Variants in SYNPR observed in about 807,000 individuals in gnomAD.
SYNPR encodes synaptoporin.
SYNPR carries 23 observed loss-of-function variants against 32.9 expected under a neutral mutation model. The ratio of observed to expected loss-of-function variants is 0.70; its 90% confidence interval spans 0.50 to 0.99. SYNPR has a LOEUF of 0.99. Ranked by LOEUF, SYNPR falls within the 50% of genes least tolerant of loss-of-function variation. The pLI is 0.00. For missense variants in SYNPR, 318 were observed against 349.3 expected, an observed-to-expected ratio of 0.91 and a Z score of 0.71; for synonymous variants, 146 against 135.9, an observed-to-expected ratio of 1.07 and a Z score of -0.52.
chr3:63,506,507 G>A (rs891687617), intron 3 of SYNPR, among the ~76,000 whole-genome samples: 1 of 152,110 alleles, frequency 6.6e-6, no homozygotes, highest in Non-Finnish European at 1.5e-5. Context: ...TTCAAAGAAA[G>A]GATTTAAATG....
At chr3:63,442,210 AAG>A (rs201125989) in intron 2 of SYNPR, among the ~76,000 whole-genome samples, 32,272 of 142,106 alleles carry the variant, frequency 0.23, 3,705 homozygotes, top group South Asian at 0.41. Flanking sequence ...AGAGAGAGAG[AAG>A]GAGACAGAGA....
At chr3:63,492,248 A>C (rs543470151) in intron 3 of SYNPR, among the ~76,000 whole-genome samples, 5 of 152,180 alleles carry the variant, frequency 3.3e-5, no homozygotes, top group Non-Finnish European at 7.3e-5. Flanking sequence ...CAGGAGGAGT[A>C]GGGCATGGGA....
chr3:63,280,219 T>A (rs2086615497), intron 2 of SYNPR, among the ~76,000 whole-genome samples: 1 of 152,222 alleles, frequency 6.6e-6, no homozygotes, highest in African/African-American at 2.4e-5. Context: ...TGTGGCAACA[T>A]GATTTTGTGC....
chr3:63,239,370 CATT>C (rs1254942949), intron 1 of SYNPR, among the ~76,000 whole-genome samples: 1 of 151,366 alleles, frequency 6.6e-6, no homozygotes, highest in Non-Finnish European at 1.5e-5. Flanking sequence ...CCCATCCTAT[CATT>C]GTCAAGTGTG....
chr3:63,258,451 C>A (rs990860349), intron 2 of SYNPR, among the ~76,000 whole-genome samples: 1 of 152,162 alleles, frequency 6.6e-6, no homozygotes, highest in Non-Finnish European at 1.5e-5. Flanking sequence ...GGAAACTGAA[C>A]AACCTACTCC....
chr3:63,549,245 A>T (rs1054513737), intron 3 of SYNPR, among the ~76,000 whole-genome samples: 1 of 152,248 alleles, frequency 6.6e-6, no homozygotes. Context: ...AGGTGGTAGC[A>T]GAATGAACAT....
intron 2 of SYNPR, among the ~76,000 whole-genome samples, chr3:63,257,746 A>T (rs2086398686): frequency 6.6e-6 from 1 of 152,226 alleles, no homozygotes; most frequent in Admixed American, 6.5e-5. Flanking sequence ...AATGGGCTAA[A>T]TGCTCCAATT....
chr3:63,547,602 C>T (rs921203311), intron 3 of SYNPR, among the ~76,000 whole-genome samples: 8 of 152,118 alleles, frequency 5.3e-5, no homozygotes, highest in African/African-American at 1.9e-4. Context: ...CCCATATATT[C>T]ATCCTATGAG....
At chr3:63,222,458 T>C in the SYNPR span, among the ~76,000 whole-genome samples, 1 of 152,106 alleles carries the variant, frequency 6.6e-6, no homozygotes. Flanking sequence ...GTATATGGGG[T>C]GGCTTAAGAG....
At chr3:63,528,406 T>C (rs1233329413) in intron 3 of SYNPR, among the ~76,000 whole-genome samples, 7 of 152,172 alleles carry the variant, frequency 4.6e-5, no homozygotes, top group African/African-American at 1.4e-4. Context: ...TGTTTTTCCA[T>C]GAAACCCTTT....
At chr3:63,278,884 C>A in intron 2 of SYNPR, 142 bp downstream of exon 2, 4 of 996,768 alleles carry the variant, frequency 4.0e-6, no homozygotes, top group Non-Finnish European at 5.9e-6. Context: ...CCTGCCCCCT[C>A]CTAAGATGCC....
intron 2 of SYNPR, among the ~76,000 whole-genome samples, chr3:63,343,488 T>C (rs930803991): frequency 2.0e-5 from 3 of 152,150 alleles, no homozygotes; most frequent in African/African-American, 7.2e-5. Flanking sequence ...GAGGACATTG[T>C]TTGGAGGTCC....
chr3:63,497,928 C>A (rs1006596485), intron 3 of SYNPR, among the ~76,000 whole-genome samples: 1 of 152,040 alleles, frequency 6.6e-6, no homozygotes, highest in Non-Finnish European at 1.5e-5. Flanking sequence ...TGCTGCTAGC[C>A]AGATAAACAG....
intron 3 of SYNPR, among the ~76,000 whole-genome samples, chr3:63,491,639 G>C (rs1054637768): frequency 1.6e-4 from 24 of 152,208 alleles, no homozygotes; most frequent in African/African-American, 5.5e-4. Context: ...TCGTGCCTCA[G>C]CCTCCCGAGT....
intron 2 of SYNPR, among the ~76,000 whole-genome samples, chr3:63,379,655 ACT>A (rs1472018319): frequency 6.6e-6 from 1 of 151,712 alleles, no homozygotes; most frequent in Non-Finnish European, 1.5e-5. Flanking sequence ...TCTTTTGATT[ACT>A]GTTTGTATAT....
At chr3:63,448,843 T>A (rs1175302551) in intron 2 of SYNPR, among the ~76,000 whole-genome samples, 1 of 152,204 alleles carries the variant, frequency 6.6e-6, no homozygotes, top group African/African-American at 2.4e-5. Context: ...CAGGATGTGT[T>A]TTCTTAAAAG....
At chr3:63,332,741 C>T (rs541489655) in intron 2 of SYNPR, among the ~76,000 whole-genome samples, 1 of 152,134 alleles carries the variant, frequency 6.6e-6, no homozygotes, top group Non-Finnish European at 1.5e-5. Flanking sequence ...AGTGACTTCC[C>T]CAAAGTCACC....
chr3:63,206,782 A>C, the SYNPR span, among the ~76,000 whole-genome samples: 2 of 152,276 alleles, frequency 1.3e-5, no homozygotes. Flanking sequence ...TGGGCCATTG[A>C]TCCTAGCCAT....
intron 3 of SYNPR, among the ~76,000 whole-genome samples, chr3:63,510,937 GCGCACGT>G (rs146965119): frequency 4.3e-5 from 3 of 69,600 alleles, no homozygotes; most frequent in South Asian, 4.6e-4. Context: ...GTGTGTGTGC[GCGCACGT>G]TGTGTGTGTG....
Sources: gnomAD v4.1 joint callset for allele counts (sites outside exome capture counted in the v4.1 genomes callset) on GRCh38, gnomAD v4.1.1 for gene constraint, MANE v1.5 for transcripts, NCBI Gene and HGNC (gene_info 2026-07-23, HGNC 2026-07-21) for gene names.